The following SLCO3A1 variants were observed in gnomAD, a reference collection of about 807,000 sequenced individuals.
SLCO3A1 encodes PGE1 transporter.
SLCO3A1 carries 27 observed loss-of-function variants against 63.1 expected under a neutral mutation model. The observed-to-expected ratio is 0.43, with a 90% confidence interval of 0.32 to 0.59. The LOEUF (loss-of-function observed/expected upper bound fraction) is 0.59, where lower values mean the gene tolerates loss of function less well. SLCO3A1 is among the 20% of genes least tolerant of loss of function. SLCO3A1 has a pLI of 0.09. For missense variants in SLCO3A1, 773 were observed against 945.8 expected (o/e 0.82, Z 2.40); for synonymous variants, 473 against 409.9 (o/e 1.15, Z -1.86).
rs115206529 is a variant in SLCO3A1, at chr15:91,976,454, A to G, written c.646+59996A>G. Among the ~76,000 whole-genome samples, 525 of 152,312 alleles carry G rather than the reference A, an allele frequency of 3.4e-3. 3 individuals carry two copies. The highest frequency in any genetic ancestry group is 0.012 in the African/African-American group (512 of 41,560). On this transcript the variant is annotated intron_variant, in intron 2 of 9. Transcript: ENST00000318445. ...TAGACCAGCTACATTGCAAGTGCTC[A>G]CTAGTCACATGTGGCTGTCATTGGA...
In SLCO3A1 at chr15:92,104,557, A is replaced by C. The variant is rs147310073; in HGVS notation, c.1009+15A>C. The stretch of plus-strand genomic sequence containing the variant: ...GCAGCTGAGAGGTAAAGGTGGCCTC[A>C]TCTGCCTCTGCTCAGAACAGTAGGG... On this transcript the variant is annotated intron_variant, in intron 4 of 9. Coordinates refer to ENST00000318445, the MANE Select transcript of SLCO3A1 (RefSeq NM_013272.4). The C allele has an allele frequency of 2.3e-4, 368 of 1,609,602 alleles. 1 individual carries two copies. In the African/African-American group the frequency reaches 4.3e-3, roughly 19 times the overall value.
chr15:92,000,547 A>G (rs1025208399), intron 2 of SLCO3A1, among the ~76,000 whole-genome samples: 1 of 152,322 alleles, frequency 6.6e-6, no homozygotes, highest in East Asian at 1.9e-4. Context: ...CAGAAAAAAA[A>G]GGAATCAAAA....
At chr15:92,087,363 C>A (rs1374946629) in intron 2 of SLCO3A1, among the ~76,000 whole-genome samples, 8 of 152,174 alleles carry the variant, frequency 5.3e-5, no homozygotes, top group Non-Finnish European at 8.8e-5. Flanking sequence ...TAAAAGAAGT[C>A]CTGATACCCA....
chr15:91,966,251 G>C (rs911390680), intron 2 of SLCO3A1, among the ~76,000 whole-genome samples: 1 of 152,170 alleles, frequency 6.6e-6, no homozygotes, highest in Admixed American at 6.5e-5. Context: ...TTTGCTTTGT[G>C]ACAGATTTGG....
intron 2 of SLCO3A1, among the ~76,000 whole-genome samples, chr15:92,055,179 G>T (rs1380530798): frequency 6.6e-6 from 1 of 152,060 alleles, no homozygotes; most frequent in African/African-American, 2.4e-5. Context: ...TTGTGGTTTT[G>T]ATTTGCATTT....
intron 2 of SLCO3A1, among the ~76,000 whole-genome samples, chr15:91,944,242 G>A (rs1310214690): frequency 2.0e-5 from 3 of 151,770 alleles, no homozygotes; most frequent in African/African-American, 7.3e-5. Flanking sequence ...CCATATCCCT[G>A]TGCAAGGTCC....
At position 92,033,268 on chromosome 15, in the gene SLCO3A1, C is replaced by T. The variant is rs1191505205; in HGVS notation, c.647-61613C>T. On this transcript the variant is annotated intron_variant, in intron 2 of 9. Coordinates refer to ENST00000318445, the MANE Select transcript of SLCO3A1 (RefSeq NM_013272.4). This position sits in a 1 kb window ranked among gnomAD's most constrained non-coding sequence, Gnocchi z 4.5. ...GAAGGAGATTTCTGAGCATATTGTTCCAGCACCTGCAAGTGTGGAAATGGA... is the reference window on the plus strand; with the variant it reads ...GAAGGAGATTTCTGAGCATATTGTTTCAGCACCTGCAAGTGTGGAAATGGA... Among the ~76,000 whole-genome samples the T allele has an allele frequency of 2.6e-5, 4 of 152,170 alleles. No homozygotes were observed. Among genetic ancestry groups the T allele is most frequent in the Non-Finnish European group, 4.4e-5 (3 of 68,036 alleles).
At chr15:92,143,411 A>AT (rs1326299216) in intron 7 of SLCO3A1, among the ~76,000 whole-genome samples, 81 of 4,402 alleles carry the variant, frequency 0.018, 7 homozygotes, top group African/African-American at 0.11. Flanking sequence ...TATATATAAT[A>AT]TATATATTAT....
In SLCO3A1 at chr15:92,123,890, G is replaced by A. The variant is rs191129651; in HGVS notation, c.1175-2171G>A. On this transcript the variant is annotated intron_variant, in intron 5 of 9. Transcript: ENST00000318445. The stretch of plus-strand genomic sequence containing the variant: ...CAAAAAAACAATTCTGCCTTATTGC[G>A]CCTTTCTGTCTCCCAGTGATTTCTG... 7.9e-5 allele frequency among the ~76,000 whole-genome samples: 12 copies of A among 152,312 alleles called. No individual in the cohort carries two copies. The East Asian group carries it at 1.7e-3, about 22-fold the overall frequency.
intron 2 of SLCO3A1, among the ~76,000 whole-genome samples, chr15:91,949,691 A>G (rs902924339): frequency 2.6e-5 from 4 of 152,030 alleles, no homozygotes; most frequent in Admixed American, 6.5e-5. Flanking sequence ...GTGAAGCCCT[A>G]TGAAAGTGTG....
chr15:92,140,217 G>A (rs2048112463), intron 7 of SLCO3A1, among the ~76,000 whole-genome samples: 1 of 130,578 alleles, frequency 7.7e-6, no homozygotes, highest in African/African-American at 3.1e-5. Context: ...CTTTATTTCT[G>A]CCTTCATTTC....
Position 91,894,777 on chromosome 15 carries a change from G to C in SLCO3A1, c.181-21216G>C, listed in dbSNP as rs1331811109. 2.0e-5 allele frequency among the ~76,000 whole-genome samples: 3 copies of C among 152,204 alleles called. No individual in the cohort carries two copies. The highest frequency in any genetic ancestry group is 2.9e-5 in the Non-Finnish European group (2 of 68,038). ...AGCTACTCCTGCTGGAGCCCCACTT[G>C]ACTGAGCAAGGGCTTACTCACCCTC... is the stretch of plus-strand genomic sequence containing the variant. On this transcript the variant is annotated intron_variant, in intron 1 of 9. Transcript: ENST00000318445. This position sits in a 1 kb window ranked among gnomAD's most constrained non-coding sequence, Gnocchi z 4.8.
In SLCO3A1 at chr15:91,865,034, C is replaced by G. The variant is rs1897132692; in HGVS notation, c.180+10946C>G. On this transcript the variant is annotated intron_variant, in intron 1 of 9. Transcript: ENST00000318445. The surrounding 1 kb of genome is among the most constrained non-coding windows in gnomAD (Gnocchi z 4.6). Reference sequence around the variant, plus strand: ...GCATTTGCCATGGGCAGTGTCCTTTCTGCCCCCTCCGTGGTTGGCCACCCG... The same window carrying G: ...GCATTTGCCATGGGCAGTGTCCTTTGTGCCCCCTCCGTGGTTGGCCACCCG... 1.3e-5 allele frequency among the ~76,000 whole-genome samples: 2 copies of G among 152,232 alleles called. No individual in the cohort carries two copies. The highest frequency in any genetic ancestry group is 1.3e-4 in the Admixed American group (2 of 15,288).
intron 4 of SLCO3A1, among the ~76,000 whole-genome samples, chr15:92,114,383 G>A (rs1333449294): frequency 6.6e-6 from 1 of 152,004 alleles, no homozygotes. Context: ...CTGCTCTTAC[G>A]GGGCGTGGTG....
intron 3 of SLCO3A1, among the ~76,000 whole-genome samples, chr15:92,098,458 C>T (rs191476881): frequency 9.9e-5 from 15 of 152,266 alleles, no homozygotes; most frequent in Admixed American, 6.5e-4. Flanking sequence ...GATGGTGCCT[C>T]CAGAATTTCT....
At chr15:92,102,757 A>T (rs146722292) in intron 3 of SLCO3A1, among the ~76,000 whole-genome samples, 5 of 152,192 alleles carry the variant, frequency 3.3e-5, no homozygotes, top group African/African-American at 1.2e-4. Flanking sequence ...CCTTAGGCTC[A>T]TGGCACAAAG....
Position 91,948,923 on chromosome 15 carries a change from T to G in SLCO3A1, c.646+32465T>G, listed in dbSNP as rs894957213. Reference sequence around the variant, plus strand: ...TGTCATCCATTTAGGAATCAATACTTTGGTTTTTTTTTTTTTACTATTATT... The same window carrying G: ...TGTCATCCATTTAGGAATCAATACTGTGGTTTTTTTTTTTTTACTATTATT... On this transcript the variant is annotated intron_variant, in intron 2 of 9. Coordinates refer to ENST00000318445, the MANE Select transcript of SLCO3A1 (RefSeq NM_013272.4). This position sits in a 1 kb window ranked among gnomAD's most constrained non-coding sequence, Gnocchi z 4.8. Among the ~76,000 whole-genome samples the G allele has an allele frequency of 2.0e-5, 3 of 150,468 alleles. No homozygotes were observed. Among genetic ancestry groups the G allele is most frequent in the Non-Finnish European group, 4.4e-5 (3 of 67,596 alleles).
At chr15:92,046,045 G>C (rs563441280) in intron 2 of SLCO3A1, among the ~76,000 whole-genome samples, 1 of 152,040 alleles carries the variant, frequency 6.6e-6, no homozygotes, top group Non-Finnish European at 1.5e-5. Flanking sequence ...TTTCCAACTG[G>C]GTTATAAGAT....
At chr15:92,139,388 T>C (rs966399812) in intron 7 of SLCO3A1, among the ~76,000 whole-genome samples, 5 of 152,070 alleles carry the variant, frequency 3.3e-5, no homozygotes, top group Non-Finnish European at 5.9e-5. Flanking sequence ...CAGTATTTTA[T>C]TGAGGATTTT....
Sources: gnomAD v4.1 joint callset for allele counts (sites outside exome capture counted in the v4.1 genomes callset) on GRCh38, gnomAD v4.1.1 for gene constraint, Gnocchi (gnomAD v3.1) non-coding constraint, MANE v1.5 for transcripts, NCBI Gene and HGNC (gene_info 2026-07-23, HGNC 2026-07-21) for gene names.